The following NRG1 variants were observed in gnomAD, a reference collection of about 807,000 sequenced individuals.
The protein encoded by NRG1 is neuregulin 1, also known as pro-neuregulin-1, membrane-bound isoform.
In NRG1, 18 loss-of-function variants were observed where a neutral mutation model predicts 63.8. The observed-to-expected ratio is 0.28, with a 90% CI of 0.19 to 0.42. The LOEUF (loss-of-function observed/expected upper bound fraction) is 0.42. Among genes scored for constraint, NRG1 ranks in the 10% least tolerant of loss-of-function variants. NRG1 has a pLI of 1.00. For synonymous variants in NRG1, 302 were observed against 301.3 expected (o/e 1.00, Z -0.02); for missense variants, 762 against 814.7 (o/e 0.94, Z 0.79).
chr8:31,815,743 G>A (rs1019194980), intron 1 of NRG1, among the ~76,000 whole-genome samples: 7 of 152,076 alleles, frequency 4.6e-5, no homozygotes, highest in Middle Eastern at 3.4e-3. Context: ...TCGCATTCTC[G>A]CCAAAATTTG....
At chr8:31,963,631 G>A (rs1805835686) in intron 1 of NRG1, among the ~76,000 whole-genome samples, 1 of 152,132 alleles carries the variant, frequency 6.6e-6, no homozygotes, top group Non-Finnish European at 1.5e-5. Context: ...ATTTATGACA[G>A]ACAATTGTAT....
At chr8:31,949,960 C>T (rs142957952) in intron 1 of NRG1, among the ~76,000 whole-genome samples, 1 of 152,206 alleles carries the variant, frequency 6.6e-6, no homozygotes, top group African/African-American at 2.4e-5. Flanking sequence ...AAAGCTTATA[C>T]CATCCATTAG....
chr8:32,605,830 G>C, intron 3 of NRG1, 147 bp downstream of exon 3: 1 of 907,040 alleles, frequency 1.1e-6, no homozygotes, highest in South Asian at 1.8e-5. Flanking sequence ...CAAGGATCTT[G>C]TATGTCTTTC....
In NRG1 at chr8:32,237,102, T is replaced by A. The variant is rs28651246; in HGVS notation, c.38-358726T>A. The stretch of plus-strand genomic sequence containing the variant: ...TTCTAAAATCTTTCTGCACTTTATA[T>A]CAGGTGCAGGAGAAGTAGACTACAT... On this transcript the variant is annotated intron_variant, in intron 1 of 10. Coordinates refer to the NRG1 transcript ENST00000519301. Among the ~76,000 whole-genome samples, 22 of 152,308 alleles carry A rather than the reference T, an allele frequency of 1.4e-4. 1 individual carries two copies. Among genetic ancestry groups the A allele is most frequent in the African/African-American group, 5.3e-4 (22 of 41,576 alleles).
intron 5 of NRG1, among the ~76,000 whole-genome samples, chr8:32,688,113 T>C (rs1382976444): frequency 6.6e-6 from 1 of 152,182 alleles, no homozygotes; most frequent in Non-Finnish European, 1.5e-5. Context: ...AAATAGGAAT[T>C]AGTTTTGATG....
At chr8:32,654,456 C>G (rs1855842076) in intron 5 of NRG1, among the ~76,000 whole-genome samples, 1 of 151,880 alleles carries the variant, frequency 6.6e-6, no homozygotes, top group South Asian at 2.1e-4. Context: ...TGGTGAAACC[C>G]TGTGTCTACT....
At chr8:32,538,003 C>T in intron 1 of NRG1, among the ~76,000 whole-genome samples, 1 of 152,094 alleles carries the variant, frequency 6.6e-6, no homozygotes, top group Non-Finnish European at 1.5e-5. Flanking sequence ...AAGCACGCGC[C>T]ACCATGACCA....
intron 1 of NRG1, among the ~76,000 whole-genome samples, chr8:32,497,740 T>C (rs1284732849): frequency 1.3e-5 from 2 of 152,190 alleles, no homozygotes; most frequent in African/African-American, 4.8e-5. Context: ...CTTTTGCTCT[T>C]CCTCTAGGTT....
At chr8:31,682,800 C>A (rs770107985) in intron 1 of NRG1, among the ~76,000 whole-genome samples, 12 of 152,050 alleles carry the variant, frequency 7.9e-5, no homozygotes, top group Non-Finnish European at 1.8e-4. Flanking sequence ...CAGTATAATG[C>A]TCAAAACATA....
chr8:32,071,263 C>G (rs909705051), intron 1 of NRG1, among the ~76,000 whole-genome samples: 1 of 152,142 alleles, frequency 6.6e-6, no homozygotes, highest in African/African-American at 2.4e-5. Context: ...TATTAAATAT[C>G]TTTGTAAATA....
chr8:32,667,685 T>A (rs1563902819), intron 5 of NRG1, among the ~76,000 whole-genome samples: 3 of 152,174 alleles, frequency 2.0e-5, no homozygotes. Context: ...AGCAGAGACT[T>A]AGAGTTCACT....
intron 5 of NRG1, among the ~76,000 whole-genome samples, chr8:32,699,244 C>T (rs1012212988): frequency 2.6e-5 from 4 of 152,184 alleles, no homozygotes; most frequent in Non-Finnish European, 5.9e-5. Flanking sequence ...AACCATGCAA[C>T]TTTAACTCTG....
chr8:32,575,936 T>C (rs560869923), intron 1 of NRG1, among the ~76,000 whole-genome samples: 18 of 152,210 alleles, frequency 1.2e-4, no homozygotes, highest in Non-Finnish European at 2.6e-4. Context: ...TCATAGGAAT[T>C]CTCCAAAATA....
chr8:32,551,678 A>G (rs920136846), intron 1 of NRG1, among the ~76,000 whole-genome samples: 3 of 152,162 alleles, frequency 2.0e-5, no homozygotes, highest in African/African-American at 4.8e-5. Flanking sequence ...ACAATTATCT[A>G]TTCCATAATA....
intron 1 of NRG1, among the ~76,000 whole-genome samples, chr8:32,450,007 C>A (rs1033631336): frequency 6.6e-6 from 1 of 152,032 alleles, no homozygotes; most frequent in Non-Finnish European, 1.5e-5. Flanking sequence ...AAGAGATCAT[C>A]GGAGCCAAAG....
intron 1 of NRG1, among the ~76,000 whole-genome samples, chr8:32,556,128 A>G (rs1396553691): frequency 1.3e-5 from 2 of 152,256 alleles, no homozygotes; most frequent in Admixed American, 6.5e-5. Flanking sequence ...ACCTGGCTGA[A>G]TATTGTCCAT....
chr8:32,052,180 G>GCTTC lies in NRG1; in HGVS notation c.37+412751_37+412754dup, dbSNP rs1254349104. Among the ~76,000 whole-genome samples the GCTTC allele has an allele frequency of 5.3e-5, 8 of 151,992 alleles. No individual in the cohort carries two copies. The East Asian group carries it at 1.5e-3, about 29-fold the overall frequency. ...GAGAGAATCTCAAAAGGGATATTAA[G>GCTTC]CTTCCATCTCTGTAAGAGCCATATG... On this transcript the variant is annotated intron_variant, in intron 1 of 10. Transcript: ENST00000519301.
At chr8:31,813,520 T>TCTTTCTTTTCTTTTC (rs1554540779) in intron 1 of NRG1, among the ~76,000 whole-genome samples, 1 of 116,606 alleles carries the variant, frequency 8.6e-6, no homozygotes, top group Non-Finnish European at 1.8e-5. Flanking sequence ...TCTTTTCTTT[T>TCTTTCTTTTCTTTTC]TTTTTTTTTT....
At chr8:31,786,652 A>G (rs2131637910) in intron 1 of NRG1, among the ~76,000 whole-genome samples, 1 of 152,332 alleles carries the variant, frequency 6.6e-6, no homozygotes, top group South Asian at 2.1e-4. Context: ...TTAAGTTGGT[A>G]GAGTGATTCA....
Sources: gnomAD v4.1 joint callset for allele counts (sites outside exome capture counted in the v4.1 genomes callset) on GRCh38, gnomAD v4.1.1 for gene constraint, MANE v1.5 for transcripts, NCBI Gene and HGNC (gene_info 2026-07-23, HGNC 2026-07-21) for gene names.